ENO4: variants seen among roughly 807,000 people sequenced by gnomAD.
ENO4 encodes enolase 4, also known as 2-phospho-D-glycerate hydro-lyase.
Under a neutral mutation model 63.2 loss-of-function variants are expected in ENO4, and 53 were observed. The ratio of observed to expected loss-of-function variants is 0.84; its 90% CI spans 0.67 to 1.05. The LOEUF (loss-of-function observed/expected upper bound fraction) is 1.05. Among genes scored for constraint, ENO4 ranks in the 50% least tolerant of loss-of-function variants. The pLI is 0.00. For missense variants in ENO4, 719 were observed against 772.0 expected (o/e 0.93, Z 0.81); for synonymous variants, 266 against 283.8 (o/e 0.94, Z 0.63).
At chr10:116,894,308 T>C (rs12263941) in intron 10 of ENO4, among the ~76,000 whole-genome samples, 3 of 152,184 alleles carry the variant, frequency 2.0e-5, no homozygotes, top group African/African-American at 7.2e-5. Flanking sequence ...GAAATGAACA[T>C]TTTCTATTGA....
chr10:116,880,053 G>C lies in ENO4; in HGVS notation c.1723+67G>C, dbSNP rs956802964. The C allele has an allele frequency of 4.8e-6, 6 of 1,240,304 alleles. No homozygotes were observed. The East Asian group carries it at 1.3e-4, about 27-fold the overall frequency. The allele number at this position is 1,240,304 out of a possible 1,614,324, so 76.8% of individuals were successfully genotyped here. ...TAAGAGAACAAAGATTGGAAGAGGGGGAATAGAAGTCCCTCTGCAGGAGGG... is the reference window on the plus strand; with the variant it reads ...TAAGAGAACAAAGATTGGAAGAGGGCGAATAGAAGTCCCTCTGCAGGAGGG... On this transcript the variant is annotated intron_variant, in intron 13 of 13. Coordinates refer to ENST00000341276, the MANE Select transcript of ENO4 (RefSeq NM_001242699.2).
intron 1 of ENO4, 72 bp downstream of exon 1, chr10:116,849,803 G>C (rs1846010909): frequency 2.9e-5 from 41 of 1,408,374 alleles, no homozygotes; most frequent in Non-Finnish European, 3.8e-5. Flanking sequence ...GCAACGCCTT[G>C]CGCCTGCGCC....
chr10:116,854,375 T>C (rs1190618492), intron 1 of ENO4, among the ~76,000 whole-genome samples: 1 of 151,240 alleles, frequency 6.6e-6, no homozygotes. Flanking sequence ...CTGGCCAACA[T>C]GTTGAAACCC....
intron 13 of ENO4, 88 bp from the exon 14 acceptor site, chr10:116,881,427 T>C: frequency 9.8e-7 from 1 of 1,015,634 alleles, no homozygotes; most frequent in Non-Finnish European, 1.4e-6. Context: ...TTTGGACTAG[T>C]ACTGAAGATG....
intron 9 of ENO4, among the ~76,000 whole-genome samples, chr10:116,872,249 C>T (rs143598404): frequency 2.0e-5 from 3 of 152,286 alleles, no homozygotes; most frequent in Admixed American, 6.5e-5. Context: ...GGTAATACAA[C>T]GGCAATTTAC....
intron 8 of ENO4, 38 bp from the exon 9 acceptor site, chr10:116,871,087 G>A (rs535458856): frequency 6.5e-7 from 1 of 1,539,080 alleles, no homozygotes; most frequent in East Asian, 2.4e-5. Flanking sequence ...ACCTTAATGT[G>A]CTGTATTGAC....
chr10:116,897,904 C>T (rs537756679), intron 10 of ENO4, among the ~76,000 whole-genome samples: 3 of 152,236 alleles, frequency 2.0e-5, no homozygotes, highest in African/African-American at 7.2e-5. Context: ...CTTGTTACTC[C>T]CCCTCCCGTC....
chr10:116,882,802 G>A (rs1490631370), downstream of ENO4: 1 of 152,156 alleles, frequency 6.6e-6, no homozygotes, highest in African/African-American at 2.4e-5. Flanking sequence ...GAGCATGCAG[G>A]AGACTTGGTT....
At chr10:116,860,545 A>G (rs532365022) in intron 4 of ENO4, among the ~76,000 whole-genome samples, 1 of 152,354 alleles carries the variant, frequency 6.6e-6, no homozygotes, top group Admixed American at 6.5e-5. Context: ...GTAGAATAAA[A>G]ATATCTACCT....
intron 8 of ENO4, 34 bp downstream of exon 8, chr10:116,868,740 T>C: frequency 6.6e-7 from 1 of 1,519,700 alleles, no homozygotes. Context: ...TCCTTCCATA[T>C]GACACTGTCT....
At chr10:116,900,396 A>T in intron 10 of ENO4, 4 of 715,896 alleles carry the variant, frequency 5.6e-6, no homozygotes, top group Non-Finnish European at 9.4e-6. Flanking sequence ...GATCCTTTTC[A>T]CTGTCAATTC....
intron 10 of ENO4, chr10:116,906,689 C>G (rs1311891080): frequency 2.5e-6 from 4 of 1,613,404 alleles, no homozygotes; most frequent in Non-Finnish European, 3.4e-6. Context: ...CTCAGTTTCA[C>G]TGTTTTCAGG....
At position 116,849,673 on chromosome 10, in the gene ENO4, T is replaced by C; in HGVS notation, c.107T>C (p.Leu36Pro). The C allele has an allele frequency of 3.9e-6, 6 of 1,549,752 alleles. No homozygotes were observed. The highest frequency in any genetic ancestry group is 5.2e-6 in the Non-Finnish European group (6 of 1,146,622). Reference protein sequence around the residue: ...YYRENDVPRRLEELLNSTFYL... With the variant: ...YYRENDVPRRPEELLNSTFYL... ...CGGGAGAACGACGTTCCGCGCAGGC[T>C]GGAAGAGCTGCTCAACTCCACCTTC... Residue 36 changes from leucine to proline, a missense_variant, in exon 1 of 14, where the codon CTG becomes CCG. Transcript: ENST00000341276.
At chr10:116,898,858 A>AT in intron 10 of ENO4, among the ~76,000 whole-genome samples, 1 of 152,298 alleles carries the variant, frequency 6.6e-6, no homozygotes, top group Admixed American at 6.5e-5. Context: ...TTGCTTTCTT[A>AT]TAAGTCCCTA....
At chr10:116,901,913 C>T in intron 10 of ENO4, 1 of 1,606,504 alleles carries the variant, frequency 6.2e-7, no homozygotes, top group Non-Finnish European at 8.5e-7. Context: ...GAACCCAACA[C>T]TGGCATGGAT....
At chr10:116,901,736 A>G in intron 10 of ENO4, 1 of 1,541,734 alleles carries the variant, frequency 6.5e-7, no homozygotes, top group Non-Finnish European at 8.7e-7. Flanking sequence ...TCTTCTATAC[A>G]CCACTTAGTA....
At chr10:116,891,451 T>C (rs1324431073) in intron 10 of ENO4, among the ~76,000 whole-genome samples, 1 of 152,202 alleles carries the variant, frequency 6.6e-6, no homozygotes, top group Non-Finnish European at 1.5e-5. Flanking sequence ...CTGAACTCTG[T>C]TTCATTTACA....
chr10:116,877,322 C>T (rs1589763993), intron 11 of ENO4, among the ~76,000 whole-genome samples: 1 of 152,104 alleles, frequency 6.6e-6, no homozygotes, highest in African/African-American at 2.4e-5. Flanking sequence ...GGCCCAAGTA[C>T]ATAGTAAGGA....
At chr10:116,901,523 C>T (rs1235250463) in intron 10 of ENO4, 1 of 985,180 alleles carries the variant, frequency 1.0e-6, no homozygotes, top group African/African-American at 1.7e-5. Flanking sequence ...GTAGAAGAAC[C>T]TGATTACCAA....
Sources: gnomAD v4.1 joint callset for allele counts (sites outside exome capture counted in the v4.1 genomes callset) on GRCh38, gnomAD v4.1.1 for gene constraint, MANE v1.5 for transcripts, NCBI Gene and HGNC (gene_info 2026-07-23, HGNC 2026-07-21) for gene names.